SPMIP2: variants seen among roughly 807,000 people sequenced by gnomAD.
The protein encoded by SPMIP2 is protein SPMIP2.
the SPMIP2 span, among the ~76,000 whole-genome samples, chr4:159,051,862 C>T: frequency 6.6e-6 from 1 of 152,066 alleles, no homozygotes; most frequent in Non-Finnish European, 1.5e-5. Context: ...CTCTTTGTTT[C>T]ATTACTGTTT....
chr4:158,935,870 A>G, the SPMIP2 span, among the ~76,000 whole-genome samples: 1 of 152,224 alleles, frequency 6.6e-6, no homozygotes, highest in Non-Finnish European at 1.5e-5. Context: ...AACACTCCAG[A>G]GGGCTGAAGA....
the SPMIP2 span, among the ~76,000 whole-genome samples, chr4:159,006,054 G>A: frequency 2.0e-5 from 3 of 152,184 alleles, no homozygotes; most frequent in African/African-American, 4.8e-5. Flanking sequence ...GTGAGCCACC[G>A]CGCCTGACCC....
At chr4:159,080,982 C>T in the SPMIP2 span, among the ~76,000 whole-genome samples, 1 of 151,776 alleles carries the variant, frequency 6.6e-6, no homozygotes, top group Non-Finnish European at 1.5e-5. Context: ...CTTGGCCTCC[C>T]AAAGTTCTGG....
chr4:158,914,457 C>T, the SPMIP2 span, among the ~76,000 whole-genome samples: 2 of 152,138 alleles, frequency 1.3e-5, no homozygotes, highest in South Asian at 2.1e-4. Flanking sequence ...TCTTTTTATG[C>T]GTAGGGAACA....
chr4:158,948,364 C>A, the SPMIP2 span, among the ~76,000 whole-genome samples: 1 of 151,990 alleles, frequency 6.6e-6, no homozygotes, highest in Non-Finnish European at 1.5e-5. Flanking sequence ...TTTTTTCTAC[C>A]TTCCTACTTG....
the SPMIP2 span, among the ~76,000 whole-genome samples, chr4:159,025,419 C>T: frequency 2.0e-5 from 3 of 152,162 alleles, no homozygotes; most frequent in Non-Finnish European, 2.9e-5. Context: ...CCCACCTCGG[C>T]CTCCCAAACT....
At chr4:159,063,784 C>A in the SPMIP2 span, among the ~76,000 whole-genome samples, 1 of 151,834 alleles carries the variant, frequency 6.6e-6, no homozygotes, top group Non-Finnish European at 1.5e-5. Flanking sequence ...AATAGTAAGA[C>A]GAACAGAGAA....
chr4:159,009,920 G>T, the SPMIP2 span, among the ~76,000 whole-genome samples: 1 of 152,156 alleles, frequency 6.6e-6, no homozygotes, highest in Non-Finnish European at 1.5e-5. Flanking sequence ...CAGGAGGTTG[G>T]GAGGTCGAAG....
At chr4:159,023,027 TCAATAAAATAAAATAAAATA>T in the SPMIP2 span, among the ~76,000 whole-genome samples, 3 of 127,442 alleles carry the variant, frequency 2.4e-5, no homozygotes, top group Admixed American at 2.0e-4. Context: ...AGACTCCATC[TCAATAAAATAAAATAAAATA>T]AAATAAAATA....
the SPMIP2 span, chr4:158,895,892 G>C: frequency 6.6e-7 from 1 of 1,515,244 alleles, no homozygotes; most frequent in African/African-American, 1.4e-5. Flanking sequence ...GCCGTCACTT[G>C]TCCCTTTGAT....
chr4:159,015,558 G>T, the SPMIP2 span, among the ~76,000 whole-genome samples: 5 of 152,040 alleles, frequency 3.3e-5, 1 homozygote, highest in Admixed American at 2.0e-4. Context: ...TAATGCCTTT[G>T]CACATGTCAT....
At chr4:158,937,918 T>G in the SPMIP2 span, among the ~76,000 whole-genome samples, 3 of 152,230 alleles carry the variant, frequency 2.0e-5, no homozygotes, top group Non-Finnish European at 4.4e-5. Context: ...TGAAAGATAA[T>G]TTTTTATACC....
At chr4:159,041,994 A>C in the SPMIP2 span, among the ~76,000 whole-genome samples, 2 of 152,202 alleles carry the variant, frequency 1.3e-5, no homozygotes, top group African/African-American at 2.4e-5. Flanking sequence ...TAATAACTGA[A>C]ATCTAAATTT....
chr4:159,040,364 G>A, the SPMIP2 span, among the ~76,000 whole-genome samples: 1 of 152,046 alleles, frequency 6.6e-6, no homozygotes. Flanking sequence ...GTACAGATGG[G>A]GTTTCACCGT....
the SPMIP2 span, among the ~76,000 whole-genome samples, chr4:159,031,259 G>A: frequency 6.6e-6 from 1 of 152,150 alleles, no homozygotes; most frequent in Non-Finnish European, 1.5e-5. Context: ...TGAACTGACT[G>A]CAGTACCATC....
chr4:159,038,216 G>T, the SPMIP2 span, among the ~76,000 whole-genome samples: 3 of 152,164 alleles, frequency 2.0e-5, no homozygotes, highest in Admixed American at 2.0e-4. Context: ...GCTCAATGTT[G>T]CTAACCCTGC....
the SPMIP2 span, among the ~76,000 whole-genome samples, chr4:158,939,737 G>A: frequency 2.6e-5 from 4 of 152,146 alleles, no homozygotes; most frequent in East Asian, 1.9e-4. Context: ...CAGAACTTTC[G>A]GAGGCCGAGA....
chr4:159,028,390 G>C, the SPMIP2 span, among the ~76,000 whole-genome samples: 3 of 152,184 alleles, frequency 2.0e-5, no homozygotes, highest in East Asian at 5.8e-4. Context: ...GAGTGCAGTA[G>C]TGTGATCACA....
chr4:159,040,106 A>G, the SPMIP2 span, among the ~76,000 whole-genome samples: 1 of 152,056 alleles, frequency 6.6e-6, no homozygotes, highest in African/African-American at 2.4e-5. Flanking sequence ...TTTAAGCACT[A>G]TATGTATAGT....
Sources: allele counts gnomAD v4.1 joint callset (sites outside exome capture counted in the v4.1 genomes callset), GRCh38; gene constraint gnomAD v4.1.1; transcripts MANE v1.5; gene names NCBI Gene and HGNC (gene_info 2026-07-23, HGNC 2026-07-21).